Variants in ANO3 observed in about 807,000 individuals in gnomAD.
ANO3 encodes the protein anoctamin 3, also known as anoctamin-3.
Under a neutral mutation model 144.8 loss-of-function variants are expected in ANO3, and 99 were observed. The ratio of observed to expected loss-of-function variants is 0.68; its 90% CI spans 0.58 to 0.81. The LOEUF (loss-of-function observed/expected upper bound fraction) is 0.81, where lower values mean the gene tolerates loss of function less well. ANO3 is among the 30% of genes least tolerant of loss of function. ANO3 has a pLI of 0.00. For synonymous variants in ANO3, 414 were observed against 392.6 expected (o/e 1.05, Z -0.64); for missense variants, 905 against 1,202.2 (o/e 0.75, Z 3.66).
chr11:26,544,632 T>A (rs1378038794), intron 11 of ANO3, among the ~76,000 whole-genome samples: 1 of 151,946 alleles, frequency 6.6e-6, no homozygotes, highest in Non-Finnish European at 1.5e-5. Context: ...AGGTAATGCA[T>A]ATGTTAATTA....
chr11:26,494,177 T>A (rs1860831307), intron 4 of ANO3, among the ~76,000 whole-genome samples: 1 of 151,284 alleles, frequency 6.6e-6, no homozygotes. Context: ...TGATCTGTAG[T>A]TTTGTAAAAT....
In ANO3 at chr11:26,366,889, G is replaced by A. The variant is rs1162641485; in HGVS notation, c.46+34568G>A. ...GATTCTGGATATTAGCCCTTTGTCAGATGAGTAGGTTGCAAAAATTTATAG... is the reference window on the plus strand; with the variant it reads ...GATTCTGGATATTAGCCCTTTGTCAAATGAGTAGGTTGCAAAAATTTATAG... On this transcript the variant is annotated intron_variant, in intron 1 of 26. Coordinates refer to ENST00000256737, the MANE Select transcript of ANO3 (RefSeq NM_031418.4). Among the ~76,000 whole-genome samples the A allele has an allele frequency of 2.6e-5, 4 of 151,980 alleles. No individual in the cohort carries two copies. In the East Asian group the frequency reaches 7.7e-4, roughly 29 times the overall value.
At position 26,332,166 on chromosome 11, in the gene ANO3, G is replaced by T. The variant is rs1269932831; in HGVS notation, c.-110G>T. The T allele has an allele frequency of 1.1e-5, 17 of 1,597,448 alleles. No homozygotes were observed. The African/African-American group carries it at 1.2e-4, about 11-fold the overall frequency. ...TGCCGGCTACAGCAGGTGTCGGATT[G>T]CAGTGCGCTCGCTGAGGCTCCGGAC... is the stretch of plus-strand genomic sequence containing the variant. On this transcript the variant is annotated 5_prime_UTR_variant, in exon 1 of 27. Transcript: ENST00000256737.
intron 17 of ANO3, among the ~76,000 whole-genome samples, chr11:26,615,686 T>C (rs548674791): frequency 3.9e-5 from 6 of 152,262 alleles, no homozygotes; most frequent in African/African-American, 1.4e-4. Flanking sequence ...TAAGATTTCA[T>C]TTCCCTTTTT....
At chr11:26,317,332 G>A (rs1421658463) in intron 1 of ANO3, among the ~76,000 whole-genome samples, 1 of 151,586 alleles carries the variant, frequency 6.6e-6, no homozygotes, top group Non-Finnish European at 1.5e-5. Flanking sequence ...GCAACCTACA[G>A]AATGGGAGAA....
At chr11:26,264,611 T>C (rs575978432) in intron 1 of ANO3, among the ~76,000 whole-genome samples, 1 of 152,286 alleles carries the variant, frequency 6.6e-6, no homozygotes, top group Non-Finnish European at 1.5e-5. Flanking sequence ...TACAACAGTC[T>C]GGGTAGCTTA....
intron 9 of ANO3, among the ~76,000 whole-genome samples, chr11:26,535,164 A>G (rs567644575): frequency 6.6e-6 from 1 of 152,318 alleles, no homozygotes; most frequent in African/African-American, 2.4e-5. Context: ...ACCCACATAC[A>G]TAAAAAGACA....
chr11:26,261,088 A>G (rs1027916357), intron 1 of ANO3, among the ~76,000 whole-genome samples: 3 of 152,200 alleles, frequency 2.0e-5, no homozygotes, highest in African/African-American at 7.2e-5. Flanking sequence ...AACAAACATC[A>G]ACAAGATGAG....
chr11:26,407,072 G>GTATATATATA lies in ANO3; in HGVS notation c.47-34845_47-34844insATATATATAT, dbSNP rs1453977441. Among the ~76,000 whole-genome samples the GTATATATATA allele has an allele frequency of 5.7e-3, 576 of 101,402 alleles. 4 individuals carry two copies. The highest frequency in any genetic ancestry group is 9.4e-3 in the Non-Finnish European group (451 of 47,962). 66.5% of individuals were successfully genotyped at this position (101,402 alleles called of 152,430 possible). A position where few individuals can be genotyped will look rare whatever the true frequency, so the allele number is the denominator to read the frequency against. On this transcript the variant is annotated intron_variant, in intron 1 of 26. Coordinates refer to ENST00000256737, the MANE Select transcript of ANO3 (RefSeq NM_031418.4). ...GGTGTGTGTGTGTGTGTGTGTGTGTGTGTGTATATATATATATATATGTAT... is the reference window on the plus strand; with the variant it reads ...GGTGTGTGTGTGTGTGTGTGTGTGTGTATATATATATGTGTATATATATATATATATGTAT...
chr11:26,228,128 A>G lies in ANO3; in HGVS notation c.154+38798A>G, dbSNP rs1208217218. Among the ~76,000 whole-genome samples the G allele has an allele frequency of 2.0e-5, 3 of 152,212 alleles. 1 individual carries two copies. Among genetic ancestry groups the G allele is most frequent in the South Asian group, 4.1e-4 (2 of 4,834 alleles). On this transcript the variant is annotated intron_variant, in intron 1 of 27. Coordinates refer to the ANO3 transcript ENST00000672621. ...ATAAGCTTGAAACTTTGTGGTTTGCATCTTGGCTTAGCCGAAAGGGTATGA... is the reference window on the plus strand; with the variant it reads ...ATAAGCTTGAAACTTTGTGGTTTGCGTCTTGGCTTAGCCGAAAGGGTATGA...
chr11:26,366,983 C>A (rs1022099254), intron 1 of ANO3, among the ~76,000 whole-genome samples: 1 of 152,046 alleles, frequency 6.6e-6, no homozygotes, highest in Non-Finnish European at 1.5e-5. Context: ...CTTTGACAAA[C>A]CTGACAAAAA....
chr11:26,328,434 C>A (rs1347014488), upstream of ANO3, among the ~76,000 whole-genome samples: 6 of 152,126 alleles, frequency 3.9e-5, no homozygotes, highest in Non-Finnish European at 8.8e-5. Flanking sequence ...ATTCACAATT[C>A]CAATTTTAAT....
intron 4 of ANO3, among the ~76,000 whole-genome samples, chr11:26,504,675 C>T (rs1419627282): frequency 6.6e-6 from 1 of 152,074 alleles, no homozygotes; most frequent in East Asian, 1.9e-4. Context: ...TCTATAATGT[C>T]GAGAATCATT....
rs1187496434 is a variant in ANO3, at chr11:26,525,645, T to A, written c.703T>A (p.Tyr235Asn). Residue 235 changes from tyrosine to asparagine, a missense_variant, in exon 7 of 27, where the codon TAT becomes AAT. Tyr to Asn is a moderately radical substitution (Grantham distance 143, BLOSUM62 -2). This residue lies in a region of ANO3 where 71 missense variants were observed against 57.9 expected (regional missense o/e 1.23). Coordinates refer to ENST00000256737, the MANE Select transcript of ANO3 (RefSeq NM_031418.4). ...CTATTATTTTTTCAGGAAAAAATGC[T>A]ATTACACTGACGGGAGGAGCAAATC... is the stretch of plus-strand genomic sequence containing the variant. ...NIRMPFRKKC[Y>N]YTDGRSKSMG... The A allele has an allele frequency of 6.2e-7, 1 of 1,611,004 alleles. No homozygotes were observed. Among genetic ancestry groups the A allele is most frequent in the Non-Finnish European group, 8.5e-7 (1 of 1,178,662 alleles).
intron 4 of ANO3, among the ~76,000 whole-genome samples, chr11:26,486,411 T>G (rs1218427396): frequency 1.3e-5 from 2 of 151,960 alleles, no homozygotes; most frequent in Non-Finnish European, 2.9e-5. Context: ...TATACATTTT[T>G]TGTATTCTAA....
intron 1 of ANO3, among the ~76,000 whole-genome samples, chr11:26,355,405 A>G (rs1367098659): frequency 6.6e-6 from 1 of 152,038 alleles, no homozygotes; most frequent in Non-Finnish European, 1.5e-5. Flanking sequence ...ATGTTTAAAG[A>G]GTCTAATATC....
chr11:26,630,004 G>A (rs975686636), intron 18 of ANO3, among the ~76,000 whole-genome samples: 3 of 152,204 alleles, frequency 2.0e-5, no homozygotes, highest in East Asian at 1.9e-4. Flanking sequence ...TTTTACTTGC[G>A]CTGTCCTTGA....
chr11:26,396,619 A>AT, intron 1 of ANO3, among the ~76,000 whole-genome samples: 1 of 151,754 alleles, frequency 6.6e-6, no homozygotes. Context: ...CATCCATAAA[A>AT]AGATGAGTTC....
intron 1 of ANO3, among the ~76,000 whole-genome samples, chr11:26,392,364 T>A (rs1856905045): frequency 6.6e-6 from 1 of 151,914 alleles, no homozygotes; most frequent in Non-Finnish European, 1.5e-5. Flanking sequence ...AATTGTCTAC[T>A]AAGTGACAAT....
Sources: allele counts gnomAD v4.1 joint callset (sites outside exome capture counted in the v4.1 genomes callset), GRCh38; gene constraint gnomAD v4.1.1; regional missense constraint gnomAD v4.1.1; transcripts MANE v1.5; gene names NCBI Gene and HGNC (gene_info 2026-07-23, HGNC 2026-07-21).